Variants in MATN2 observed in about 807,000 individuals in gnomAD.
MATN2 encodes matrilin-2.
MATN2 carries 69 observed loss-of-function variants against 103.2 expected under a neutral mutation model. That is an observed-to-expected ratio of 0.67 (90% confidence interval 0.55 to 0.82). The LOEUF is 0.82. Ranked by LOEUF, MATN2 falls within the 40% of genes least tolerant of loss-of-function variation. MATN2 has a pLI of 0.00. For synonymous variants in MATN2, 429 were observed against 450.2 expected, an observed-to-expected ratio of 0.95 and a Z score of 0.60; for missense variants, 1,023 against 1,211.5, an observed-to-expected ratio of 0.84 and a Z score of 2.31.
chr8:97,925,978 T>A (rs1809975399), intron 2 of MATN2, among the ~76,000 whole-genome samples: 1 of 152,194 alleles, frequency 6.6e-6, no homozygotes, highest in Non-Finnish European at 1.5e-5. Flanking sequence ...AAGGCTGCAA[T>A]CTTGAGAGGA....
intron 6 of MATN2, among the ~76,000 whole-genome samples, chr8:97,980,643 C>G (rs1811990089): frequency 6.8e-6 from 1 of 146,632 alleles, no homozygotes; most frequent in South Asian, 2.2e-4. Flanking sequence ...CGGCTCACTG[C>G]AACCTCCACC....
intron 2 of MATN2, among the ~76,000 whole-genome samples, chr8:97,911,688 A>G (rs1227390472): frequency 6.6e-6 from 1 of 152,060 alleles, no homozygotes; most frequent in Admixed American, 6.5e-5. Context: ...GCCTGGTGAC[A>G]GAGTGAGACT....
At chr8:97,988,189 T>TATATATATACACACACAC (rs71570279) in intron 6 of MATN2, among the ~76,000 whole-genome samples, 4 of 54,960 alleles carry the variant, frequency 7.3e-5, no homozygotes, top group South Asian at 4.3e-4. Context: ...TATATATATA[T>TATATATATACACACACAC]ACACACACAC....
intron 2 of MATN2, among the ~76,000 whole-genome samples, chr8:97,913,983 G>C (rs943046230): frequency 3.3e-5 from 5 of 152,156 alleles, no homozygotes; most frequent in Admixed American, 1.3e-4. Flanking sequence ...GAGATGAGTT[G>C]AAAGGGCCCA....
intron 4 of MATN2, among the ~76,000 whole-genome samples, chr8:97,958,465 C>T (rs2444877): frequency 0.31 from 46,602 of 152,136 alleles, 8,559 homozygotes; most frequent in Non-Finnish European, 0.41. Context: ...GCTCTATAAA[C>T]ACATACGTAG....
At chr8:97,979,834 G>T (rs1033873778) in intron 6 of MATN2, among the ~76,000 whole-genome samples, 1 of 152,116 alleles carries the variant, frequency 6.6e-6, no homozygotes, top group Non-Finnish European at 1.5e-5. Flanking sequence ...TTCATAAAAA[G>T]TTCATGTACC....
intron 2 of MATN2, among the ~76,000 whole-genome samples, chr8:97,890,358 G>A (rs372301822): frequency 1.1e-3 from 163 of 152,066 alleles, no homozygotes; most frequent in African/African-American, 3.5e-3. Flanking sequence ...CCAGCTACTC[G>A]GGAGGCTGAG....
Position 97,931,441 on chromosome 8 carries a change from C to A in MATN2, c.631C>A (p.Pro211Thr), listed in dbSNP as rs1810190813. 6.2e-7 allele frequency: 1 copy of A among 1,613,500 alleles called. No homozygotes were observed. Among genetic ancestry groups the A allele is most frequent in the African/African-American group, 1.3e-5 (1 of 74,894 alleles). ...FNTLKSIGSE[P>T]HEDHVFLVAN... ...CACCTTGAAGTCCATTGGGAGTGAG[C>A]CCCATGAGGACCATGTCTTCCTTGT... The change falls in exon 3 of 19, where the codon CCC (proline) becomes ACC (threonine). Residue 211 changes from proline to threonine, a missense_variant. Pro to Thr is a conservative substitution (Grantham distance 38). Transcript: ENST00000254898. The surrounding 1 kb of genome is among the most constrained non-coding windows in gnomAD (Gnocchi z 4.1).
chr8:97,993,133 T>TACATAC (rs1364467288), intron 6 of MATN2, among the ~76,000 whole-genome samples: 3 of 152,170 alleles, frequency 2.0e-5, no homozygotes, highest in African/African-American at 7.2e-5. Flanking sequence ...TTATTGTATA[T>TACATAC]TTTGCTTAAC....
intron 8 of MATN2, 129 bp downstream of exon 8, chr8:98,003,912 C>T (rs1812870985): frequency 2.0e-6 from 2 of 1,018,162 alleles, no homozygotes; most frequent in African/African-American, 1.6e-5. Context: ...GTGTATCCTT[C>T]CTTATCCTCA....
At chr8:98,019,019 A>G (rs1209452046) in intron 12 of MATN2, among the ~76,000 whole-genome samples, 4 of 149,608 alleles carry the variant, frequency 2.7e-5, no homozygotes, top group Admixed American at 6.7e-5. Flanking sequence ...TTCATCTTCT[A>G]TTATATATAA....
At chr8:97,997,936 C>T (rs552419196) in intron 7 of MATN2, among the ~76,000 whole-genome samples, 23 of 150,156 alleles carry the variant, frequency 1.5e-4, no homozygotes, top group Admixed American at 1.0e-3. Flanking sequence ...TGTCTCACTT[C>T]GGCCTCCCTA....
At chr8:97,996,722 G>A (rs1401751689) in intron 7 of MATN2, among the ~76,000 whole-genome samples, 3 of 152,126 alleles carry the variant, frequency 2.0e-5, no homozygotes, top group Non-Finnish European at 4.4e-5. Flanking sequence ...AAACGGAAGC[G>A]AGTGCTCACT....
At chr8:97,873,286 C>T (rs1016051482) in intron 1 of MATN2, among the ~76,000 whole-genome samples, 1 of 151,770 alleles carries the variant, frequency 6.6e-6, no homozygotes, top group African/African-American at 2.4e-5. Flanking sequence ...TTTTAGCTCA[C>T]TTCTGTTTAG....
At position 97,895,033 on chromosome 8, in the gene MATN2, C is replaced by T. The variant is rs145330758; in HGVS notation, c.142+6791C>T. 4.5e-3 allele frequency among the ~76,000 whole-genome samples: 690 copies of T among 152,128 alleles called. 5 individuals are homozygous for T. Among genetic ancestry groups the T allele is most frequent in the African/African-American group, 0.015 (616 of 41,502 alleles). ...GATTGCAGGCGCCCGCCACCATGCC[C>T]GGCTAATTTTTGTATTTTTAGTAGA... is the stretch of plus-strand genomic sequence containing the variant. On this transcript the variant is annotated intron_variant, in intron 2 of 18. Coordinates refer to ENST00000254898, the MANE Select transcript of MATN2 (RefSeq NM_002380.5).
At chr8:97,971,464 G>A (rs1811652696) in intron 5 of MATN2, among the ~76,000 whole-genome samples, 1 of 152,244 alleles carries the variant, frequency 6.6e-6, no homozygotes, top group South Asian at 2.1e-4. Flanking sequence ...TTTCACCATT[G>A]AGAGTCCTGA....
intron 2 of MATN2, among the ~76,000 whole-genome samples, chr8:97,918,057 C>A (rs979385374): frequency 2.6e-5 from 4 of 151,944 alleles, no homozygotes; most frequent in African/African-American, 9.7e-5. Flanking sequence ...TGCACTCTAG[C>A]CTGGGTGAGG....
intron 5 of MATN2, among the ~76,000 whole-genome samples, chr8:97,968,359 C>T (rs1169571540): frequency 6.6e-6 from 1 of 152,262 alleles, no homozygotes; most frequent in Non-Finnish European, 1.5e-5. Context: ...GGTTGCTCCA[C>T]AGCCTGCTTG....
intron 13 of MATN2, among the ~76,000 whole-genome samples, chr8:98,026,770 TTGTAC>T (rs1813822829): frequency 1.3e-5 from 2 of 152,210 alleles, no homozygotes; most frequent in Non-Finnish European, 2.9e-5. Flanking sequence ...TAAATAATTA[TTGTAC>T]AATGTGGAAC....
Sources: allele counts gnomAD v4.1 joint callset (sites outside exome capture counted in the v4.1 genomes callset), GRCh38; gene constraint gnomAD v4.1.1; non-coding constraint Gnocchi (gnomAD v3.1); transcripts MANE v1.5; gene names NCBI Gene and HGNC (gene_info 2026-07-23, HGNC 2026-07-21).